NTNG1: variants seen among roughly 807,000 people sequenced by gnomAD.
NTNG1 encodes the protein netrin-G1.
A neutral mutation model predicts 54.0 loss-of-function variants in NTNG1; 16 were observed. The ratio of observed to expected loss-of-function variants is 0.30; its 90% CI spans 0.20 to 0.45. The LOEUF (loss-of-function observed/expected upper bound fraction) is 0.45. Ranked by LOEUF, NTNG1 falls within the 20% of genes least tolerant of loss-of-function variation. NTNG1 has a pLI of 1.00. For missense variants in NTNG1, 530 were observed against 678.7 expected, an observed-to-expected ratio of 0.78 and a Z score of 2.43; for synonymous variants, 255 against 263.1, an observed-to-expected ratio of 0.97 and a Z score of 0.30.
chr1:107,234,637 C>A (rs1661287368), intron 2 of NTNG1, among the ~76,000 whole-genome samples: 1 of 152,152 alleles, frequency 6.6e-6, no homozygotes, highest in Non-Finnish European at 1.5e-5. Context: ...TAAGATGATA[C>A]AGCCAAAAAA....
intron 2 of NTNG1, among the ~76,000 whole-genome samples, chr1:107,211,487 A>G (rs570062238): frequency 6.6e-6 from 1 of 152,292 alleles, no homozygotes; most frequent in South Asian, 2.1e-4. Flanking sequence ...CACACCTAGT[A>G]CAATGATTAC....
At chr1:107,480,580 A>T in intron 7 of NTNG1, 31 bp from the exon 8 acceptor site, 3 of 218,704 alleles carry the variant, frequency 1.4e-5, no homozygotes, top group Non-Finnish European at 1.7e-5. Context: ...CCCCGCGCCC[A>T]CCCACCCCTA....
intron 2 of NTNG1, among the ~76,000 whole-genome samples, chr1:107,270,842 T>A (rs1306225621): frequency 6.6e-6 from 1 of 151,902 alleles, no homozygotes; most frequent in Non-Finnish European, 1.5e-5. Flanking sequence ...GTTTGTTTTG[T>A]TTGCATAATA....
At chr1:107,247,152 C>T (rs1028078754) in intron 2 of NTNG1, among the ~76,000 whole-genome samples, 4 of 152,242 alleles carry the variant, frequency 2.6e-5, no homozygotes, top group African/African-American at 9.6e-5. Flanking sequence ...GACTTTGTGT[C>T]TGCACTCATG....
At chr1:107,238,455 T>C (rs149212321) in intron 2 of NTNG1, among the ~76,000 whole-genome samples, 40 of 152,202 alleles carry the variant, frequency 2.6e-4, no homozygotes, top group African/African-American at 8.4e-4. Context: ...TGGGAAGGCA[T>C]GATTGGTTTT....
At chr1:107,213,562 G>C (rs940721044) in intron 2 of NTNG1, among the ~76,000 whole-genome samples, 1 of 151,966 alleles carries the variant, frequency 6.6e-6, no homozygotes, top group African/African-American at 2.4e-5. Flanking sequence ...TCTCTGATTG[G>C]TTTATCCCAA....
chr1:107,389,787 C>G (rs1440134611), intron 3 of NTNG1, among the ~76,000 whole-genome samples: 1 of 152,178 alleles, frequency 6.6e-6, no homozygotes, highest in Admixed American at 6.5e-5. Flanking sequence ...ATAGACTTGG[C>G]TCTCGAGAAC....
intron 5 of NTNG1, among the ~76,000 whole-genome samples, chr1:107,419,760 C>T (rs753801219): frequency 6.6e-6 from 1 of 151,642 alleles, no homozygotes; most frequent in Non-Finnish European, 1.5e-5. Flanking sequence ...CTAAGCAAAA[C>T]AAAATATATT....
intron 4 of NTNG1, among the ~76,000 whole-genome samples, chr1:107,405,112 T>A (rs183760269): frequency 1.1e-4 from 17 of 152,306 alleles, no homozygotes; most frequent in African/African-American, 3.8e-4. Context: ...TTCTCCTGGC[T>A]TACCTGTAGC....
rs190013000 is a variant in NTNG1 at position 107,372,320 on chromosome 1, T to C, written c.888-22834T>C. Among the ~76,000 whole-genome samples, 76 of 152,142 alleles carry C rather than the reference T, an allele frequency of 5.0e-4. 1 individual carries two copies. Among genetic ancestry groups the C allele is most frequent in the Admixed American group, 1.5e-3 (23 of 15,282 alleles). On this transcript the variant is annotated intron_variant, in intron 3 of 7. Coordinates refer to ENST00000370068, the MANE Select transcript of NTNG1 (RefSeq NM_001113226.3). Reference sequence around the variant, plus strand: ...GTAATAATATTGGAATTTAGTGCTATAAATTTCCTCCCTAAGTACTGTTTT... The same window carrying C: ...GTAATAATATTGGAATTTAGTGCTACAAATTTCCTCCCTAAGTACTGTTTT...
Position 107,148,458 on chromosome 1 carries a change from T to C in NTNG1, c.-136T>C. On this transcript the variant is annotated 5_prime_UTR_variant, in exon 2 of 8. Coordinates refer to ENST00000370068, the MANE Select transcript of NTNG1 (RefSeq NM_001113226.3). The stretch of plus-strand genomic sequence containing the variant: ...GATCTGCTTTGAGGTCCCATCTTCA[T>C]TTAAAAAAAAATACAGAGACCTACC... 5 of 796,796 alleles carry C rather than the reference T, an allele frequency of 6.3e-6. No homozygotes were observed. Among genetic ancestry groups the C allele is most frequent in the Non-Finnish European group, 1.0e-5 (5 of 496,678 alleles). The allele number at this position is 796,796 out of a possible 1,614,324, so 49.4% of individuals were successfully genotyped here. A position where few individuals can be genotyped will look rare whatever the true frequency, so the allele number is the denominator to read the frequency against.
intron 7 of NTNG1, among the ~76,000 whole-genome samples, chr1:107,449,718 A>G (rs1184933449): frequency 1.0e-5 from 1 of 96,684 alleles, no homozygotes; most frequent in African/African-American, 3.4e-5. Flanking sequence ...CTTCTGCTGG[A>G]TTAAAAAAAA....
At chr1:107,260,155 C>G (rs1663214855) in intron 2 of NTNG1, among the ~76,000 whole-genome samples, 1 of 152,186 alleles carries the variant, frequency 6.6e-6, no homozygotes, top group Non-Finnish European at 1.5e-5. Flanking sequence ...CTCATTTGAT[C>G]CTCTCACGAT....
chr1:107,196,277 A>G (rs537611953), intron 2 of NTNG1, among the ~76,000 whole-genome samples: 5 of 152,052 alleles, frequency 3.3e-5, no homozygotes, highest in African/African-American at 9.6e-5. Context: ...TCTGTGGGCA[A>G]TTTACCTAGG....
intron 2 of NTNG1, among the ~76,000 whole-genome samples, chr1:107,291,792 T>C (rs1462991217): frequency 3.3e-5 from 5 of 152,116 alleles, no homozygotes. Flanking sequence ...AAAGCTAGGA[T>C]CCAGAAAGGA....
intron 3 of NTNG1, among the ~76,000 whole-genome samples, chr1:107,342,142 G>T (rs1668936694): frequency 6.6e-6 from 1 of 151,990 alleles, no homozygotes; most frequent in African/African-American, 2.4e-5. Flanking sequence ...TATTTTAAAA[G>T]CAAAGTAGAC....
intron 2 of NTNG1, among the ~76,000 whole-genome samples, chr1:107,217,150 A>G (rs1431396202): frequency 1.3e-5 from 2 of 151,902 alleles, no homozygotes; most frequent in African/African-American, 4.8e-5. Context: ...CAGAGTTTCT[A>G]TTTCTTCCTG....
intron 2 of NTNG1, among the ~76,000 whole-genome samples, chr1:107,270,480 T>C (rs571894615): frequency 6.6e-6 from 1 of 152,312 alleles, no homozygotes; most frequent in African/African-American, 2.4e-5. Context: ...GAAATGGGAA[T>C]AATAAGGTTG....
chr1:107,370,536 A>G (rs964203120), intron 3 of NTNG1, among the ~76,000 whole-genome samples: 8 of 151,760 alleles, frequency 5.3e-5, no homozygotes, highest in Admixed American at 2.0e-4. Flanking sequence ...CGAGTCCCCA[A>G]AGTCCATTGT....
Sources: allele counts gnomAD v4.1 joint callset (sites outside exome capture counted in the v4.1 genomes callset), GRCh38; gene constraint gnomAD v4.1.1; transcripts MANE v1.5; gene names NCBI Gene and HGNC (gene_info 2026-07-23, HGNC 2026-07-21).